The following CCDC7 variants were observed in gnomAD, a reference collection of about 807,000 sequenced individuals.
CCDC7 encodes coiled-coil domain-containing protein 7.
CCDC7 carries 183 observed loss-of-function variants against 196.9 expected under a neutral mutation model. The ratio of observed to expected loss-of-function variants is 0.93; its 90% CI spans 0.82 to 1.05. The LOEUF (loss-of-function observed/expected upper bound fraction) is 1.05, where lower values mean the gene tolerates loss of function less well. Ranked by LOEUF, CCDC7 falls within the 50% of genes least tolerant of loss-of-function variation. The pLI is 0.00. For synonymous variants in CCDC7, 525 were observed against 484.6 expected (o/e 1.08, Z -1.10); for missense variants, 1,540 against 1,482.2 (o/e 1.04, Z -0.64).
At chr10:32,651,731 C>T (rs913325782) in intron 20 of CCDC7, among the ~76,000 whole-genome samples, 3 of 152,044 alleles carry the variant, frequency 2.0e-5, no homozygotes, top group African/African-American at 7.2e-5. Flanking sequence ...GGGGCTGACA[C>T]CTCTCTGGCG....
intron 5 of CCDC7, among the ~76,000 whole-genome samples, chr10:32,467,106 CTTT>C (rs35747517): frequency 7.0e-6 from 1 of 142,648 alleles, no homozygotes; most frequent in Admixed American, 7.0e-5. Context: ...CCTTTGTCCA[CTTT>C]TTTTTTTTTT....
intron 14 of CCDC7, among the ~76,000 whole-genome samples, chr10:32,565,959 A>G (rs1321478182): frequency 2.6e-5 from 4 of 152,202 alleles, no homozygotes; most frequent in African/African-American, 9.6e-5. Context: ...AAGGTAAAAT[A>G]CTGCAGGCAT....
At chr10:32,608,950 T>A (rs754038468) in intron 18 of CCDC7, among the ~76,000 whole-genome samples, 4 of 152,230 alleles carry the variant, frequency 2.6e-5, no homozygotes, top group Non-Finnish European at 4.4e-5. Context: ...TATTAGTTTC[T>A]AGTTTTCCAT....
intron 26 of CCDC7, among the ~76,000 whole-genome samples, 189 bp from the exon 28 acceptor site, chr10:32,728,698 G>A (rs561038181): frequency 2.6e-5 from 4 of 152,072 alleles, no homozygotes; most frequent in Non-Finnish European, 5.9e-5. Context: ...AACTTTATTT[G>A]ATGCTTCAGA....
chr10:32,624,960 G>T (rs2063808925), intron 18 of CCDC7, among the ~76,000 whole-genome samples: 4 of 102,938 alleles, frequency 3.9e-5, no homozygotes, highest in African/African-American at 6.8e-5. Context: ...TCATTTCGTT[G>T]ACTTTTTTCT....
Position 32,637,855 on chromosome 10 carries a change from C to T in CCDC7, c.2014+2697C>T, listed in dbSNP as rs574042231. Among the ~76,000 whole-genome samples the T allele has an allele frequency of 9.9e-5, 15 of 152,272 alleles. No individual in the cohort carries two copies. The South Asian group carries it at 2.1e-3, about 21-fold the overall frequency. On this transcript the variant is annotated intron_variant, in intron 20 of 41. Transcript: ENST00000639629. ...ATTTTCACGATATTGATTCTTCCTT[C>T]CCATGAGCATGGAATGTTCTTCCAT...
chr10:32,637,569 A>G (rs141328888), intron 20 of CCDC7, among the ~76,000 whole-genome samples: 3 of 152,014 alleles, frequency 2.0e-5, no homozygotes, highest in South Asian at 2.1e-4. Flanking sequence ...TGAGGACTCT[A>G]TTCTGTTCCA....
intron 24 of CCDC7, among the ~76,000 whole-genome samples, chr10:32,698,425 A>G (rs1320887735): frequency 1.3e-5 from 2 of 152,184 alleles, no homozygotes; most frequent in African/African-American, 4.8e-5. Context: ...AGGATGCTCG[A>G]ACCCATTGCA....
chr10:32,655,596 G>C (rs1304520109), intron 20 of CCDC7, among the ~76,000 whole-genome samples: 1 of 151,998 alleles, frequency 6.6e-6, no homozygotes, highest in East Asian at 1.9e-4. Flanking sequence ...GTGTGATCTT[G>C]GCTCACTGCA....
At chr10:32,507,808 G>A (rs2045439228) in intron 9 of CCDC7, among the ~76,000 whole-genome samples, 1 of 152,162 alleles carries the variant, frequency 6.6e-6, no homozygotes, top group Non-Finnish European at 1.5e-5. Flanking sequence ...TGCAGAAACA[G>A]CATTTCGCAG....
chr10:32,648,113 G>A (rs545406250), intron 20 of CCDC7, among the ~76,000 whole-genome samples: 2 of 152,220 alleles, frequency 1.3e-5, no homozygotes, highest in Admixed American at 1.3e-4. Context: ...GTTTTTGTTG[G>A]TCTTGTCAAA....
downstream of CCDC7, among the ~76,000 whole-genome samples, chr10:32,881,587 A>G (rs1390119210): frequency 6.6e-6 from 1 of 152,140 alleles, no homozygotes; most frequent in East Asian, 1.9e-4. Flanking sequence ...AAGTCTCTGA[A>G]TTCACAGATT....
At chr10:32,738,566 C>T (rs910877341) in intron 28 of CCDC7, among the ~76,000 whole-genome samples, 2 of 148,156 alleles carry the variant, frequency 1.3e-5, no homozygotes, top group African/African-American at 5.0e-5. Flanking sequence ...CCTCGACCTC[C>T]TGGGCTCAAG....
intron 28 of CCDC7, among the ~76,000 whole-genome samples, chr10:32,746,475 C>A (rs142509741): frequency 1.1e-3 from 173 of 152,248 alleles, no homozygotes; most frequent in Non-Finnish European, 1.7e-3. Flanking sequence ...GCATGGCCAG[C>A]GATGCCCATC....
chr10:32,792,319 G>T lies in CCDC7; in HGVS notation c.3014-12696G>T, dbSNP rs535582122. Among the ~76,000 whole-genome samples, 3 of 152,284 alleles carry T rather than the reference G, an allele frequency of 2.0e-5. No homozygotes were observed. The South Asian group carries it at 6.2e-4, about 32-fold the overall frequency. On this transcript the variant is annotated intron_variant, in intron 29 of 41. Transcript: ENST00000639629. ...CAGAATACTGTAATGGTGGTATGTA[G>T]ATCATATATATCTCTAGAATAAAGG...
chr10:32,838,322 A>G (rs1449494148), intron 33 of CCDC7, among the ~76,000 whole-genome samples: 2 of 152,072 alleles, frequency 1.3e-5, no homozygotes, highest in African/African-American at 2.4e-5. Flanking sequence ...GCTCAAGGAC[A>G]CACTTAGAGA....
intron 16 of CCDC7, among the ~76,000 whole-genome samples, chr10:32,572,504 G>A (rs1245004305): frequency 1.4e-4 from 22 of 152,098 alleles, no homozygotes; most frequent in Admixed American, 1.3e-3. Flanking sequence ...AGACCCAGGT[G>A]AATTAGCAAG....
At chr10:32,543,588 A>C (rs2051883007) in intron 12 of CCDC7, among the ~76,000 whole-genome samples, 1 of 152,124 alleles carries the variant, frequency 6.6e-6, no homozygotes, top group African/African-American at 2.4e-5. Context: ...CCAAAAATGG[A>C]CTGGAAGAGG....
intron 14 of CCDC7, among the ~76,000 whole-genome samples, chr10:32,567,000 A>ATG (rs1564677770): frequency 3.9e-5 from 2 of 51,708 alleles, no homozygotes; most frequent in African/African-American, 2.0e-4. Flanking sequence ...ATATAAAAAA[A>ATG]TATCTTTGTG....
Sources: gnomAD v4.1 joint callset for allele counts (sites outside exome capture counted in the v4.1 genomes callset) on GRCh38, gnomAD v4.1.1 for gene constraint, MANE v1.5 for transcripts, NCBI Gene and HGNC (gene_info 2026-07-23, HGNC 2026-07-21) for gene names.